The following CDYL variants were observed in gnomAD, a reference collection of about 807,000 sequenced individuals.
CDYL encodes the protein chromodomain Y-like protein.
In CDYL, 8 loss-of-function variants were observed where a neutral mutation model predicts 47.3. That is an observed-to-expected ratio of 0.17 (90% confidence interval 0.10 to 0.31). CDYL has a LOEUF of 0.31. Ranked by LOEUF, CDYL falls within the 10% of genes least tolerant of loss-of-function variation. CDYL has a pLI of 1.00. For missense variants in CDYL, 471 were observed against 701.4 expected (o/e 0.67, Z 3.71); for synonymous variants, 266 against 265.0 (o/e 1.00, Z -0.04).
intron 1 of CDYL, among the ~76,000 whole-genome samples, chr6:4,872,125 G>A (rs996895911): frequency 1.3e-5 from 2 of 152,174 alleles, no homozygotes; most frequent in Non-Finnish European, 2.9e-5. Flanking sequence ...TCACTCTGGA[G>A]TGGATTTTAT....
intron 2 of CDYL, among the ~76,000 whole-genome samples, chr6:4,914,257 A>G (rs2127502379): frequency 6.8e-6 from 1 of 146,762 alleles, no homozygotes; most frequent in Non-Finnish European, 1.5e-5. Context: ...GTAGATCAAC[A>G]GGGTTTGCTG....
intron 1 of CDYL, among the ~76,000 whole-genome samples, chr6:4,890,687 C>T (rs1762018059): frequency 6.6e-6 from 1 of 152,198 alleles, no homozygotes; most frequent in South Asian, 2.1e-4. Context: ...AGGCATGCCA[C>T]AGTTTCGCCT....
intron 3 of CDYL, among the ~76,000 whole-genome samples, chr6:4,745,709 G>A (rs1389707591): frequency 6.6e-6 from 1 of 152,252 alleles, no homozygotes; most frequent in Non-Finnish European, 1.5e-5. Context: ...GGCGTCCAGT[G>A]CTGTCAGTTA....
At chr6:4,801,737 C>A (rs1759231707) in intron 1 of CDYL, among the ~76,000 whole-genome samples, 1 of 152,130 alleles carries the variant, frequency 6.6e-6, no homozygotes, top group Admixed American at 6.5e-5. Flanking sequence ...TAGTTTCTAG[C>A]ACTCCACCAG....
intron 1 of CDYL, among the ~76,000 whole-genome samples, chr6:4,871,367 G>A (rs1761467242): frequency 6.6e-6 from 1 of 152,156 alleles, no homozygotes; most frequent in Admixed American, 6.5e-5. Flanking sequence ...AGGTTTCAAG[G>A]CTGCCCCAAA....
At chr6:4,722,076 A>C (rs1452159068) in intron 2 of CDYL, among the ~76,000 whole-genome samples, 1 of 152,034 alleles carries the variant, frequency 6.6e-6, no homozygotes, top group African/African-American at 2.4e-5. Flanking sequence ...GCTGGTCTCA[A>C]ACTCCTGACC....
intron 1 of CDYL, among the ~76,000 whole-genome samples, chr6:4,855,512 A>G (rs1760979724): frequency 6.6e-6 from 1 of 152,204 alleles, no homozygotes; most frequent in Admixed American, 6.5e-5. Flanking sequence ...GAATGTGCCA[A>G]GAAGGCATAG....
chr6:4,718,683 T>C (rs546242852), intron 2 of CDYL: 49 of 152,384 alleles, frequency 3.2e-4, no homozygotes, highest in African/African-American at 1.2e-3. Context: ...TCTATTTGAT[T>C]AATGCAATTA....
At chr6:4,802,468 G>T (rs1004366272) in intron 1 of CDYL, among the ~76,000 whole-genome samples, 35 of 152,256 alleles carry the variant, frequency 2.3e-4, no homozygotes, top group African/African-American at 8.4e-4. Context: ...GATCCCAGGA[G>T]GTTGAGGCTG....
chr6:4,855,346 A>G (rs1760974659), intron 1 of CDYL, among the ~76,000 whole-genome samples: 1 of 152,156 alleles, frequency 6.6e-6, no homozygotes, highest in South Asian at 2.1e-4. Flanking sequence ...TTGTGATCAC[A>G]GTGTCATGAT....
At chr6:4,851,998 T>C (rs1383976194) in intron 1 of CDYL, among the ~76,000 whole-genome samples, 1 of 152,154 alleles carries the variant, frequency 6.6e-6, no homozygotes, top group Non-Finnish European at 1.5e-5. Context: ...ACCAGGCCAG[T>C]TGCTTCTTGG....
intron 1 of CDYL, among the ~76,000 whole-genome samples, chr6:4,811,477 C>T (rs1759527000): frequency 6.6e-6 from 1 of 152,140 alleles, no homozygotes. Flanking sequence ...GAGGAGCTGG[C>T]AACACTAGTT....
rs1430284451 is a variant in CDYL at position 4,954,940 on chromosome 6, A to G, written c.*884A>G. The G allele has an allele frequency of 6.6e-6, 1 of 152,218 alleles. No individual in the cohort carries two copies. The highest frequency in any genetic ancestry group is 2.4e-5 in the African/African-American group (1 of 41,442). 9.4% of individuals were successfully genotyped at this position (152,218 alleles called of 1,614,324 possible). A position where few individuals can be genotyped will look rare whatever the true frequency, so the allele number is the denominator to read the frequency against. ...GACAGTTTTGGTTTTCTGTTTGCAG[A>G]TATGATTGATGTATTTCACCAAAAT... On this transcript the variant is annotated 3_prime_UTR_variant, in exon 7 of 7. Transcript: ENST00000397588.
At chr6:4,721,146 C>A (rs1383576100) in intron 2 of CDYL, among the ~76,000 whole-genome samples, 1 of 152,126 alleles carries the variant, frequency 6.6e-6, no homozygotes, top group African/African-American at 2.4e-5. Context: ...TAACCATATG[C>A]AGGAAGGATA....
chr6:4,797,592 T>C (rs1166396576), intron 1 of CDYL, among the ~76,000 whole-genome samples: 1 of 152,210 alleles, frequency 6.6e-6, no homozygotes, highest in Admixed American at 6.5e-5. Context: ...GCCCATTAGC[T>C]GTCAATTCCC....
intron 3 of CDYL, among the ~76,000 whole-genome samples, chr6:4,741,731 A>G (rs1388407746): frequency 1.3e-5 from 2 of 152,250 alleles, no homozygotes; most frequent in Non-Finnish European, 2.9e-5. Flanking sequence ...CTAGCTGGGC[A>G]GCAATGTGCC....
intron 1 of CDYL, among the ~76,000 whole-genome samples, chr6:4,822,667 G>A (rs1435136836): frequency 6.6e-6 from 1 of 152,180 alleles, no homozygotes; most frequent in East Asian, 1.9e-4. Flanking sequence ...AGTGGGATAA[G>A]AGGGCCCTTT....
chr6:4,915,139 C>T (rs1213873024), intron 2 of CDYL, among the ~76,000 whole-genome samples: 2 of 152,244 alleles, frequency 1.3e-5, no homozygotes, highest in African/African-American at 4.8e-5. Flanking sequence ...TGTTTAGTCA[C>T]ACTGCAAAGA....
intron 2 of CDYL, among the ~76,000 whole-genome samples, chr6:4,722,443 A>C (rs1344848515): frequency 6.6e-6 from 1 of 152,232 alleles, no homozygotes; most frequent in East Asian, 1.9e-4. Context: ...TTAAATTATG[A>C]TTATAGAAAT....
Sources: allele counts gnomAD v4.1 joint callset (sites outside exome capture counted in the v4.1 genomes callset), GRCh38; gene constraint gnomAD v4.1.1; transcripts MANE v1.5; gene names NCBI Gene and HGNC (gene_info 2026-07-23, HGNC 2026-07-21).